ADGRF5: variants seen among roughly 807,000 people sequenced by gnomAD.
ADGRF5 encodes the protein G-protein coupled receptor 116.
ADGRF5 carries 75 observed loss-of-function variants against 132.3 expected under a neutral mutation model. The observed-to-expected ratio is 0.57, with a 90% CI of 0.47 to 0.69. The LOEUF (loss-of-function observed/expected upper bound fraction) is 0.69. ADGRF5 is among the 30% of genes least tolerant of loss of function. The pLI is 0.00. For missense variants in ADGRF5, 1,516 were observed against 1,630.6 expected (o/e 0.93, Z 1.21); for synonymous variants, 629 against 597.6 (o/e 1.05, Z -0.77).
At chr6:46,939,488 C>T (rs957670999) in intron 1 of ADGRF5, among the ~76,000 whole-genome samples, 1 of 152,158 alleles carries the variant, frequency 6.6e-6, no homozygotes, top group African/African-American at 2.4e-5. Context: ...GAAAATTAAA[C>T]AAATGAGGAG....
At chr6:46,942,596 T>C (rs1406745557) in intron 1 of ADGRF5, among the ~76,000 whole-genome samples, 1 of 152,208 alleles carries the variant, frequency 6.6e-6, no homozygotes, top group Non-Finnish European at 1.5e-5. Context: ...GCAGAACTTG[T>C]GAGTATTAAG....
At chr6:46,890,224 C>T (rs1329229099) in intron 3 of ADGRF5, among the ~76,000 whole-genome samples, 1 of 151,984 alleles carries the variant, frequency 6.6e-6, no homozygotes, top group Non-Finnish European at 1.5e-5. Flanking sequence ...TCCCGAGGAG[C>T]TGGGACTACA....
chr6:46,868,910 C>T lies in ADGRF5; in HGVS notation c.1594G>A (p.Val532Ile), dbSNP rs199683187. ...TTCCACTCCCTGGTCGAGGTCTTGA[C>T]TGTCAGTACTGATTCTGCTCCATCA... ...YLDGAESVLT[V>I]KTSTREWNGT... Residue 532 changes from valine (V) to isoleucine (I), a missense_variant, in exon 12 of 21, where the codon GTC becomes ATC. Coordinates refer to ENST00000283296, the MANE Select transcript of ADGRF5 (RefSeq NM_001098518.2). The T allele has an allele frequency of 3.4e-4, 556 of 1,612,292 alleles. No individual in the cohort carries two copies. The highest frequency in any genetic ancestry group is 4.5e-4 in the Non-Finnish European group (528 of 1,178,502).
chr6:46,884,114 A>G lies in ADGRF5; in HGVS notation c.486T>C (p.Pro162=). ...ACTTACCTTCCTGAAGCAGGCAAAAAGGTCCATTGGGAGGCAGTTCTTTAA... is the reference window on the plus strand; with the variant it reads ...ACTTACCTTCCTGAAGCAGGCAAAAGGGTCCATTGGGAGGCAGTTCTTTAA... ...SCLKELPPNG[P]FCLLQEDVTL... is the part of the protein sequence containing the mutation. Residue 162 remains proline, a synonymous_variant, in exon 5 of 21, where the codon CCT becomes CCC. Transcript: ENST00000283296. The G allele has an allele frequency of 6.2e-7, 1 of 1,613,882 alleles. No homozygotes were observed. Among genetic ancestry groups the G allele is most frequent in the Non-Finnish European group, 8.5e-7 (1 of 1,179,780 alleles).
At chr6:46,923,960 G>A (rs765480888), upstream of ADGRF5, among the ~76,000 whole-genome samples, 3 of 152,150 alleles carry the variant, frequency 2.0e-5, no homozygotes, top group Non-Finnish European at 4.4e-5. Flanking sequence ...AACTGCAAAC[G>A]TAGAGAGAAT....
intron 4 of ADGRF5, among the ~76,000 whole-genome samples, chr6:46,887,576 C>T (rs1244844547): frequency 2.0e-5 from 3 of 152,058 alleles, no homozygotes; most frequent in African/African-American, 4.8e-5. Flanking sequence ...ATGCATGTAC[C>T]GACATTGGGA....
Position 46,908,362 on chromosome 6 carries a change from G to C in ADGRF5, c.-24-1576C>G, listed in dbSNP as rs146146366. Reference sequence around the variant, plus strand: ...GGTATTGAACAGGCTAATACAGAATGAGTCAGGTATTTAGGAGGCAAAGTA... The same window carrying C: ...GGTATTGAACAGGCTAATACAGAATCAGTCAGGTATTTAGGAGGCAAAGTA... On this transcript the variant is annotated intron_variant, in intron 1 of 20. Transcript: ENST00000283296. Among the ~76,000 whole-genome samples, 34 of 152,232 alleles carry C rather than the reference G, an allele frequency of 2.2e-4. No individual in the cohort carries two copies. The East Asian group carries it at 6.4e-3, about 29-fold the overall frequency.
At chr6:46,927,708 G>C (rs1003038011) in intron 1 of ADGRF5, among the ~76,000 whole-genome samples, 2 of 152,092 alleles carry the variant, frequency 1.3e-5, no homozygotes, top group Non-Finnish European at 2.9e-5. Flanking sequence ...AAGTAGACCA[G>C]CACCAGTTAG....
In ADGRF5 at chr6:46,946,101, G is replaced by A. The variant is rs531997869; in HGVS notation, c.-25+8633C>T. ...GGCAGGAAAGAGAAATCCAGGCAGA[G>A]GAATGAACCACAGTAGGGAGAAAGA... On this transcript the variant is annotated intron_variant, in intron 1 of 20. Coordinates refer to the ADGRF5 transcript ENST00000265417. Among the ~76,000 whole-genome samples the A allele has an allele frequency of 1.0e-3, 152 of 152,300 alleles. 1 individual carries two copies. Among genetic ancestry groups the A allele is most frequent in the Non-Finnish European group, 2.1e-3 (141 of 68,026 alleles).
rs111609820 is a variant in ADGRF5 at position 46,873,853 on chromosome 6, A to G, written c.1241-1840T>C. ...TTTCTTTGCACTTGGCATTTCCCCA[A>G]ACAAAAAATCCTAAATTACTTGCAT... On this transcript the variant is annotated intron_variant, in intron 10 of 20. Coordinates refer to ENST00000283296, the MANE Select transcript of ADGRF5 (RefSeq NM_001098518.2). Among the ~76,000 whole-genome samples the G allele has an allele frequency of 9.1e-3, 1,375 of 151,866 alleles. 16 individuals carry two copies. Among genetic ancestry groups the G allele is most frequent in the African/African-American group, 0.032 (1,301 of 41,222 alleles).
At position 46,871,901 on chromosome 6, in the gene ADGRF5, G is replaced by A. The variant is rs776463165; in HGVS notation, c.1353C>T (p.Phe451=). 7 of 1,612,436 alleles carry A rather than the reference G, an allele frequency of 4.3e-6. No homozygotes were observed. The Admixed American group carries it at 1.0e-4, about 23-fold the overall frequency. ...TGCCTCTGGCTCCATAGGCACTGAT[G>A]AACTCACAAGTGTAGATGACTGTTG... ...SGTTVIYTCE[F]ISAYGARGSA... The change falls in exon 11 of 21, where the codon TTC becomes TTT. Residue 451 remains phenylalanine (F), a synonymous_variant. Transcript: ENST00000283296.
intron 1 of ADGRF5, among the ~76,000 whole-genome samples, chr6:46,947,684 A>T (rs1283093227): frequency 6.6e-6 from 1 of 152,236 alleles, no homozygotes; most frequent in Admixed American, 6.5e-5. Flanking sequence ...CACTTCGGAC[A>T]TTCGCAACCT....
At position 46,858,218 on chromosome 6, in the gene ADGRF5, C is replaced by T. The variant is rs758777924; in HGVS notation, c.3685G>A (p.Gly1229Ser). The change falls in exon 17 of 21, where the codon GGC becomes AGC. Residue 1229 changes from glycine to serine, a missense_variant. By Grantham distance (56) the Gly-to-Ser change is moderately conservative. Transcript: ENST00000283296. ...KSIGVLTPLLGLTWGFGLTTV... is the reference protein window; with the variant it reads ...KSIGVLTPLLSLTWGFGLTTV... ...GTGAGACCAAAACCCCAAGTGAGGC[C>T]CAAGAGTGGTGTGAGGACCCCAATG... 2 of 1,614,070 alleles carry T rather than the reference C, an allele frequency of 1.2e-6. No individual in the cohort carries two copies. The highest frequency in any genetic ancestry group is 1.1e-5 in the South Asian group (1 of 91,072).
Position 46,859,065 on chromosome 6 carries a change from G to C in ADGRF5, c.2838C>G (p.Ser946Arg). Reference protein sequence around the residue: ...FRISMTFKNNSPSGGETKCVF... With the variant: ...FRISMTFKNNRPSGGETKCVF... ...CACACTTCGTTTCGCCGCCTGAAGG[G>C]CTATTGTTCTTAAAAGTCATTGAAA... The change falls in exon 17 of 21, where the codon AGC becomes AGG. Residue 946 changes from serine (S) to arginine (R), a missense_variant. Around this residue, in one of 2 missense-constraint regions of ADGRF5, gnomAD observed 571 missense variants for 701.2 expected, o/e 0.81. Transcript: ENST00000283296. 1 of 1,614,050 alleles carries C rather than the reference G, an allele frequency of 6.2e-7. No individual in the cohort carries two copies. The highest frequency in any genetic ancestry group is 8.5e-7 in the Non-Finnish European group (1 of 1,179,914).
intron 1 of ADGRF5, among the ~76,000 whole-genome samples, chr6:46,946,880 A>C (rs115296359): frequency 6.6e-6 from 1 of 152,200 alleles, no homozygotes; most frequent in Non-Finnish European, 1.5e-5. Flanking sequence ...TGGAGATTTA[A>C]GGACGGTGAA....
At chr6:46,881,679 C>A in intron 7 of ADGRF5, 82 bp from the exon 8 acceptor site, 1 of 1,203,912 alleles carries the variant, frequency 8.3e-7, no homozygotes, top group Non-Finnish European at 1.2e-6. Flanking sequence ...GCTTAGGAAA[C>A]AAAATAGCAC....
chr6:46,950,256 G>C (rs1375139315), intron 1 of ADGRF5, among the ~76,000 whole-genome samples: 3 of 152,200 alleles, frequency 2.0e-5, no homozygotes, highest in Admixed American at 2.0e-4. Context: ...AGATGATTCT[G>C]ATGGTGGGTA....
chr6:46,881,707 A>C (rs1039479878), intron 7 of ADGRF5, 110 bp from the exon 8 acceptor site: 17 of 833,584 alleles, frequency 2.0e-5, no homozygotes, highest in Middle Eastern at 2.7e-4. Context: ...CTGATGCAGC[A>C]TGCAAATCTA....
At chr6:46,918,780 C>T (rs535149566) in intron 1 of ADGRF5, among the ~76,000 whole-genome samples, 1 of 152,308 alleles carries the variant, frequency 6.6e-6, no homozygotes, top group Admixed American at 6.5e-5. Flanking sequence ...AAGACAGCAG[C>T]AGCCAGAATT....
Sources: gnomAD v4.1 joint callset for allele counts (sites outside exome capture counted in the v4.1 genomes callset) on GRCh38, gnomAD v4.1.1 for gene constraint, gnomAD v4.1.1 regional missense constraint, MANE v1.5 for transcripts, NCBI Gene and HGNC (gene_info 2026-07-23, HGNC 2026-07-21) for gene names.